LYPLAL1: variants seen among roughly 807,000 people sequenced by gnomAD.
LYPLAL1 encodes the protein lysophospholipase-like protein 1.
In LYPLAL1, 23 loss-of-function variants were observed where a neutral mutation model predicts 19.7. That is an observed-to-expected ratio of 1.17 (90% CI 0.84 to 1.65). LYPLAL1 has a LOEUF of 1.65. Among genes scored for constraint, LYPLAL1 ranks in the 40% most tolerant of loss-of-function variants. The pLI is 0.00. For synonymous variants in LYPLAL1, 119 were observed against 96.3 expected, an observed-to-expected ratio of 1.24 and a Z score of -1.38; for missense variants, 355 against 279.4, an observed-to-expected ratio of 1.27 and a Z score of -1.93.
the LYPLAL1 span, among the ~76,000 whole-genome samples, chr1:219,339,371 A>G: frequency 2.0e-4 from 30 of 152,070 alleles, no homozygotes; most frequent in Non-Finnish European, 2.9e-4. Context: ...CCACGGTATT[A>G]TAATAAGGAG....
chr1:219,412,789 A>G, the LYPLAL1 span, among the ~76,000 whole-genome samples: 3 of 152,252 alleles, frequency 2.0e-5, no homozygotes, highest in Non-Finnish European at 4.4e-5. Context: ...GACACAGGCA[A>G]GATGCACAAC....
At chr1:219,380,006 A>G in the LYPLAL1 span, among the ~76,000 whole-genome samples, 26 of 152,364 alleles carry the variant, frequency 1.7e-4, no homozygotes, top group Middle Eastern at 6.8e-3. Context: ...CATGGCAGTA[A>G]AGGGTATATG....
intron 2 of LYPLAL1, among the ~76,000 whole-genome samples, chr1:219,182,391 A>G (rs967769706): frequency 2.0e-5 from 3 of 152,064 alleles, no homozygotes; most frequent in Non-Finnish European, 1.5e-5. Flanking sequence ...TTTGTAGCAT[A>G]ATATGGCTTC....
chr1:219,380,813 G>T, the LYPLAL1 span, among the ~76,000 whole-genome samples: 1 of 152,122 alleles, frequency 6.6e-6, no homozygotes, highest in Admixed American at 6.5e-5. Context: ...GAGCATATGG[G>T]GTGTCTGTCA....
chr1:219,265,680 G>A, the LYPLAL1 span, among the ~76,000 whole-genome samples: 3 of 152,118 alleles, frequency 2.0e-5, no homozygotes, highest in Admixed American at 6.6e-5. Context: ...TTAAGATATT[G>A]TAATTGTGCA....
chr1:219,408,045 G>A, the LYPLAL1 span, among the ~76,000 whole-genome samples: 1 of 152,136 alleles, frequency 6.6e-6, no homozygotes, highest in Admixed American at 6.5e-5. Context: ...TCAACATATG[G>A]ATTGGAGGGG....
chr1:219,418,618 C>T, the LYPLAL1 span, among the ~76,000 whole-genome samples: 5 of 152,196 alleles, frequency 3.3e-5, no homozygotes, highest in Admixed American at 2.6e-4. Context: ...ACATTTGTTA[C>T]GACTGCTGAG....
chr1:219,286,197 C>CAATA, the LYPLAL1 span, among the ~76,000 whole-genome samples: 1 of 152,210 alleles, frequency 6.6e-6, no homozygotes, highest in East Asian at 1.9e-4. Context: ...TTGCAATAGG[C>CAATA]TGGCTAGTGG....
the LYPLAL1 span, among the ~76,000 whole-genome samples, chr1:219,299,598 A>G: frequency 1.2e-4 from 19 of 152,144 alleles, no homozygotes; most frequent in African/African-American, 4.6e-4. Flanking sequence ...AAGGACTTGC[A>G]ACTTTTAAAT....
chr1:219,199,079 G>A (rs1037837673), intron 3 of LYPLAL1, among the ~76,000 whole-genome samples: 4 of 152,148 alleles, frequency 2.6e-5, no homozygotes, highest in Non-Finnish European at 4.4e-5. Context: ...AGTAGTATGC[G>A]TACTCCAAAG....
the LYPLAL1 span, among the ~76,000 whole-genome samples, chr1:219,219,891 A>G: frequency 6.6e-6 from 1 of 152,060 alleles, no homozygotes; most frequent in Non-Finnish European, 1.5e-5. Context: ...GTCAAATTTA[A>G]TTTCAACTTT....
At chr1:219,347,518 G>C in the LYPLAL1 span, among the ~76,000 whole-genome samples, 1 of 152,034 alleles carries the variant, frequency 6.6e-6, no homozygotes. Context: ...GACTGTCCAG[G>C]CTTTGTTACT....
the LYPLAL1 span, among the ~76,000 whole-genome samples, chr1:219,295,374 T>G: frequency 6.6e-6 from 1 of 152,172 alleles, no homozygotes; most frequent in African/African-American, 2.4e-5. Flanking sequence ...AAGGAAATTT[T>G]GTCATTGTAA....
At chr1:219,294,137 C>G in the LYPLAL1 span, among the ~76,000 whole-genome samples, 1 of 152,150 alleles carries the variant, frequency 6.6e-6, no homozygotes, top group Non-Finnish European at 1.5e-5. Context: ...TTGTAATAAC[C>G]ATTTGATAGA....
chr1:219,406,143 C>T, the LYPLAL1 span, among the ~76,000 whole-genome samples: 2 of 152,142 alleles, frequency 1.3e-5, no homozygotes, highest in South Asian at 2.1e-4. Context: ...AGGCAGAAGT[C>T]CGCCTTTTAA....
the LYPLAL1 span, among the ~76,000 whole-genome samples, chr1:219,399,914 A>C: frequency 6.8e-4 from 104 of 152,268 alleles, no homozygotes; most frequent in African/African-American, 2.4e-3. Flanking sequence ...TCCCACACCA[A>C]ACCCGCTGGT....
At chr1:219,293,760 CACAA>C in the LYPLAL1 span, among the ~76,000 whole-genome samples, 1 of 152,182 alleles carries the variant, frequency 6.6e-6, no homozygotes, top group Non-Finnish European at 1.5e-5. Flanking sequence ...TATCTTAATA[CACAA>C]TATATCCAGA....
chr1:219,326,316 G>T, the LYPLAL1 span, among the ~76,000 whole-genome samples: 110 of 144,482 alleles, frequency 7.6e-4, no homozygotes, highest in Non-Finnish European at 1.4e-3. Flanking sequence ...GGGTTGGGGG[G>T]TGGGGGGGCA....
At chr1:219,363,834 G>A in the LYPLAL1 span, among the ~76,000 whole-genome samples, 1 of 152,116 alleles carries the variant, frequency 6.6e-6, no homozygotes, top group African/African-American at 2.4e-5. Flanking sequence ...TCAGTACTCA[G>A]TGAAGGTAAT....
Sources: gnomAD v4.1 joint callset for allele counts (sites outside exome capture counted in the v4.1 genomes callset) on GRCh38, gnomAD v4.1.1 for gene constraint, MANE v1.5 for transcripts, NCBI Gene and HGNC (gene_info 2026-07-23, HGNC 2026-07-21) for gene names.